The following KIAA0586 variants were observed in gnomAD, a reference collection of about 807,000 sequenced individuals.
KIAA0586 encodes the protein protein TALPID3.
A neutral mutation model predicts 169.8 loss-of-function variants in KIAA0586; 144 were observed. That is an observed-to-expected ratio of 0.85 (90% CI 0.74 to 0.97). The LOEUF (loss-of-function observed/expected upper bound fraction) is 0.97, where lower values mean the gene tolerates loss of function less well. KIAA0586 is among the 50% of genes least tolerant of loss of function. The probability of loss-of-function intolerance (pLI) is 0.00; values close to 1 mark genes in which losing one functional copy is unlikely to be tolerated. For synonymous variants in KIAA0586, 625 were observed against 612.4 expected (o/e 1.02, Z -0.30); for missense variants, 1,854 against 1,823.0 (o/e 1.02, Z -0.31).
rs541996273 is a variant in KIAA0586, at chr14:58,545,590, AG to A, written c.4496-2190del. Among the ~76,000 whole-genome samples the A allele has an allele frequency of 1.1e-4, 17 of 152,240 alleles. No individual in the cohort carries two copies. The East Asian group carries it at 2.7e-3, about 24-fold the overall frequency. ...CTAGGACTTAGTTATATCCAGTGTT[AG>A]TTTTTACTTTATTCATGAGGTGAGC... On this transcript the variant is annotated intron_variant, in intron 30 of 30. Coordinates refer to ENST00000652326, the MANE Select transcript of KIAA0586 (RefSeq NM_001329943.3).
intron 21 of KIAA0586, among the ~76,000 whole-genome samples, chr14:58,484,902 A>ATT (rs1269889812): frequency 0.13 from 1,587 of 12,514 alleles, 314 homozygotes; most frequent in South Asian, 0.16. Flanking sequence ...ATATATATAT[A>ATT]TATATATATA....
intron 29 of KIAA0586, among the ~76,000 whole-genome samples, chr14:58,518,161 T>G (rs2044900169): frequency 6.6e-6 from 1 of 152,200 alleles, no homozygotes; most frequent in Non-Finnish European, 1.5e-5. Context: ...TATTATGAAT[T>G]TTCTTAATTA....
chr14:58,548,647 G>A lies in KIAA0586; in HGVS notation c.*715G>A, dbSNP rs1440358748. The A allele has an allele frequency of 2.0e-5, 3 of 152,074 alleles. No homozygotes were observed. The highest frequency in any genetic ancestry group is 6.6e-5 in the Admixed American group (1 of 15,264). The allele number at this position is 152,074 out of a possible 1,614,324, so 9.4% of individuals were successfully genotyped here. ...TAAGTGATAGGAATCAAGGATAATCGTGGTTACTATGTATTTGAACTTCAG... is the reference window on the plus strand; with the variant it reads ...TAAGTGATAGGAATCAAGGATAATCATGGTTACTATGTATTTGAACTTCAG... On this transcript the variant is annotated 3_prime_UTR_variant, in exon 31 of 31. Transcript: ENST00000652326.
intron 4 of KIAA0586, among the ~76,000 whole-genome samples, chr14:58,441,678 G>A (rs1490136186): frequency 1.3e-5 from 2 of 152,108 alleles, no homozygotes; most frequent in African/African-American, 4.8e-5. Flanking sequence ...GTGTCACCCA[G>A]GCTAGAGTGC....
intron 3 of KIAA0586, 143 bp from the exon 4 acceptor site, chr14:58,432,245 T>C: frequency 1.7e-6 from 1 of 575,402 alleles, no homozygotes; most frequent in South Asian, 2.3e-5. Flanking sequence ...TCACTTAATT[T>C]GTTCCTTGTC....
chr14:58,484,924 ATTTTT>A (rs58851367), intron 21 of KIAA0586, among the ~76,000 whole-genome samples: 1 of 13,048 alleles, frequency 7.7e-5, no homozygotes, highest in African/African-American at 3.1e-4. Flanking sequence ...ATATATATAT[ATTTTT>A]TTTTTTTTTT....
chr14:58,547,193 CT>C (rs1595564232), intron 30 of KIAA0586, among the ~76,000 whole-genome samples: 2 of 151,726 alleles, frequency 1.3e-5, no homozygotes, highest in East Asian at 3.9e-4. Flanking sequence ...AACCACAAAC[CT>C]TTAATTTCTG....
intron 29 of KIAA0586, among the ~76,000 whole-genome samples, chr14:58,513,766 C>T (rs2044558971): frequency 6.6e-6 from 1 of 151,918 alleles, no homozygotes; most frequent in South Asian, 2.1e-4. Context: ...ATGAACTGTC[C>T]TTCGCAGTCA....
rs1345033159 is a variant in KIAA0586, at chr14:58,477,988, A to C, written c.2944+747A>C. On this transcript the variant is annotated intron_variant, in intron 20 of 30. Transcript: ENST00000652326. ...ACTTGCCATAAAAGTCACCACTTCT[A>C]AGTGTACAGTTTGACAAGTTTTTTG... is the stretch of plus-strand genomic sequence containing the variant. Among the ~76,000 whole-genome samples the C allele has an allele frequency of 4.6e-5, 7 of 151,840 alleles. No homozygotes were observed. In the East Asian group the frequency reaches 1.4e-3, roughly 29 times the overall value.
At chr14:58,499,647 C>T (rs1471733625) in intron 27 of KIAA0586, among the ~76,000 whole-genome samples, 2 of 152,060 alleles carry the variant, frequency 1.3e-5, no homozygotes, top group Non-Finnish European at 2.9e-5. Context: ...CAACCCCTGC[C>T]TCCTGGGTTC....
chr14:58,486,298 G>A (rs989650425), intron 21 of KIAA0586, among the ~76,000 whole-genome samples: 1 of 152,046 alleles, frequency 6.6e-6, no homozygotes. Context: ...CTTTTTTATG[G>A]CTGTGTAGTA....
chr14:58,516,351 C>A (rs2044752625), intron 29 of KIAA0586, among the ~76,000 whole-genome samples: 2 of 152,082 alleles, frequency 1.3e-5, no homozygotes, highest in African/African-American at 2.4e-5. Flanking sequence ...GAAGGGGCAA[C>A]ACATCTGTTA....
intron 26 of KIAA0586, among the ~76,000 whole-genome samples, chr14:58,497,338 A>G (rs2043222047): frequency 6.6e-6 from 1 of 151,774 alleles, no homozygotes; most frequent in Non-Finnish European, 1.5e-5. Flanking sequence ...AAATATGACT[A>G]AAGTATTCTT....
chr14:58,439,241 C>T (rs961332723), intron 4 of KIAA0586, among the ~76,000 whole-genome samples: 3 of 151,734 alleles, frequency 2.0e-5, no homozygotes, highest in Admixed American at 2.0e-4. Flanking sequence ...CGCTGGAGTG[C>T]AGTGGCGTGA....
chr14:58,512,612 C>T lies in KIAA0586; in HGVS notation c.4414C>T (p.Pro1472Ser), dbSNP rs1451959454. The stretch of plus-strand genomic sequence containing the variant: ...TGTTAGAAATAAATCTGATATTGCA[C>T]CTTCACAGCAACAAGGTAAGACTTG... ...LRVRNKSDIA[P>S]SQQQVSPGDM... Residue 1472 changes from proline (P) to serine (S), a missense_variant, in exon 29 of 31, where the codon CCT becomes TCT. Transcript: ENST00000652326. 6.7e-7 allele frequency: 1 copy of T among 1,503,342 alleles called. No individual in the cohort carries two copies. The highest frequency in any genetic ancestry group is 1.5e-5 in the African/African-American group (1 of 68,858). 93.1% of individuals were successfully genotyped at this position (1,503,342 alleles called of 1,614,324 possible). A position where few individuals can be genotyped will look rare whatever the true frequency, so the allele number is the denominator to read the frequency against.
intron 29 of KIAA0586, among the ~76,000 whole-genome samples, chr14:58,538,137 C>T (rs1275291830): frequency 6.6e-6 from 1 of 152,116 alleles, no homozygotes; most frequent in Non-Finnish European, 1.5e-5. Context: ...GCCTGGGTGA[C>T]AGAATGAGAC....
At chr14:58,556,353 T>C in the KIAA0586 span, among the ~76,000 whole-genome samples, 3 of 152,264 alleles carry the variant, frequency 2.0e-5, no homozygotes, top group African/African-American at 7.2e-5. Context: ...ACAAATAGTA[T>C]TAAGTCAGAA....
At chr14:58,447,168 G>A (rs2038965141) in intron 6 of KIAA0586, among the ~76,000 whole-genome samples, 2 of 152,272 alleles carry the variant, frequency 1.3e-5, no homozygotes, top group South Asian at 4.1e-4. Context: ...AATGCTTAAT[G>A]AAATGAAATT....
the KIAA0586 span, among the ~76,000 whole-genome samples, chr14:58,557,536 G>A: frequency 7.9e-5 from 12 of 152,186 alleles, no homozygotes; most frequent in Admixed American, 7.2e-4. Flanking sequence ...GCACCCCGCC[G>A]GTGTAGGCAG....
Sources: allele counts gnomAD v4.1 joint callset (sites outside exome capture counted in the v4.1 genomes callset), GRCh38; gene constraint gnomAD v4.1.1; transcripts MANE v1.5; gene names NCBI Gene and HGNC (gene_info 2026-07-23, HGNC 2026-07-21).